The following MAMDC2 variants were observed in gnomAD, a reference collection of about 807,000 sequenced individuals.
MAMDC2 encodes the protein MAM domain containing 2.
A neutral mutation model predicts 89.8 loss-of-function variants in MAMDC2; 57 were observed. The ratio of observed to expected loss-of-function variants is 0.63; its 90% CI spans 0.51 to 0.79. MAMDC2 has a LOEUF of 0.79. MAMDC2 is among the 30% of genes least tolerant of loss of function. The probability of loss-of-function intolerance (pLI) is 0.00; values close to 1 mark genes in which losing one functional copy is unlikely to be tolerated. For synonymous variants in MAMDC2, 313 were observed against 293.4 expected (o/e 1.07, Z -0.68); for missense variants, 800 against 820.6 (o/e 0.97, Z 0.31).
intron 9 of MAMDC2, among the ~76,000 whole-genome samples, chr9:70,156,099 G>A (rs1025722963): frequency 1.3e-5 from 2 of 152,070 alleles, no homozygotes; most frequent in South Asian, 2.1e-4. Context: ...CATCTTAATA[G>A]CAGAAACTGT....
intron 11 of MAMDC2, among the ~76,000 whole-genome samples, chr9:70,180,703 TG>T (rs2032627915): frequency 6.6e-6 from 1 of 152,160 alleles, no homozygotes; most frequent in South Asian, 2.1e-4. Context: ...CACTTTTTGA[TG>T]GGGGTTGGTT....
rs2118342246 is a variant in MAMDC2 at position 70,126,316 on chromosome 9, T to A, written c.801T>A (p.Asp267Glu). 3 of 1,614,170 alleles carry A rather than the reference T, an allele frequency of 1.9e-6. No individual in the cohort carries two copies. The highest frequency in any genetic ancestry group is 2.2e-5 in the East Asian group (1 of 44,876). The change falls in exon 6 of 14, where the codon GAT becomes GAA. Residue 267 changes from aspartate (D) to glutamate (E), a missense_variant. Coordinates refer to ENST00000377182, the MANE Select transcript of MAMDC2 (RefSeq NM_153267.5). ...ATGTCTTTTCCCTTTACACTCGGGA[T>A]GTGGCTGGCCTTTACGAGGAAATCT... ...NDNVFSLYTR[D>E]VAGLYEEIWK...
chr9:70,180,515 T>G (rs2032623430), intron 11 of MAMDC2, among the ~76,000 whole-genome samples: 1 of 152,186 alleles, frequency 6.6e-6, no homozygotes, highest in African/African-American at 2.4e-5. Flanking sequence ...CCACATCCTC[T>G]CTCTACATCT....
intron 9 of MAMDC2, among the ~76,000 whole-genome samples, chr9:70,168,309 T>A (rs1294113479): frequency 6.6e-6 from 1 of 152,112 alleles, no homozygotes; most frequent in African/African-American, 2.4e-5. Flanking sequence ...CTGGCCAACA[T>A]GGTGAAACCC....
At chr9:70,216,181 C>A (rs888835160) in intron 11 of MAMDC2, 1 of 152,140 alleles carries the variant, frequency 6.6e-6, no homozygotes, top group African/African-American at 2.4e-5. Flanking sequence ...TTACTTTTTA[C>A]ATCATATATG....
chr9:70,052,581 G>T (rs1280789255), intron 2 of MAMDC2, among the ~76,000 whole-genome samples: 4 of 152,076 alleles, frequency 2.6e-5, no homozygotes, highest in Non-Finnish European at 5.9e-5. Flanking sequence ...GGCATCTCCT[G>T]ATAAGAGTCC....
chr9:70,056,614 T>C (rs1483664017), intron 2 of MAMDC2, among the ~76,000 whole-genome samples: 2 of 152,130 alleles, frequency 1.3e-5, no homozygotes, highest in Non-Finnish European at 2.9e-5. Flanking sequence ...GCACGCGGCG[T>C]GATTCATTTT....
rs540576999 is a variant in MAMDC2 at position 70,075,057 on chromosome 9, A to G, written c.148+30360A>G. Among the ~76,000 whole-genome samples the G allele has an allele frequency of 3.9e-5, 6 of 152,350 alleles. No homozygotes were observed. In the South Asian group the frequency reaches 1.2e-3, roughly 32 times the overall value. ...AGCTAGCAGTTTCTACCACATAAGAAGAAACCACCCATTATTGAAAGTGTT... is the reference window on the plus strand; with the variant it reads ...AGCTAGCAGTTTCTACCACATAAGAGGAAACCACCCATTATTGAAAGTGTT... On this transcript the variant is annotated intron_variant, in intron 2 of 13. Coordinates refer to ENST00000377182, the MANE Select transcript of MAMDC2 (RefSeq NM_153267.5).
At chr9:70,198,066 TTTA>T (rs1167445482) in intron 11 of MAMDC2, among the ~76,000 whole-genome samples, 1 of 147,124 alleles carries the variant, frequency 6.8e-6, no homozygotes, top group Non-Finnish European at 1.5e-5. Context: ...GTTCTATTTT[TTTA>T]TTATTGTTGT....
chr9:70,129,064 A>G (rs185821236), intron 6 of MAMDC2, among the ~76,000 whole-genome samples: 1 of 152,348 alleles, frequency 6.6e-6, no homozygotes, highest in South Asian at 2.1e-4. Context: ...CAGTCCTACA[A>G]GACAGGTGTT....
chr9:70,121,242 T>G (rs1383181744), intron 5 of MAMDC2, among the ~76,000 whole-genome samples: 1 of 152,184 alleles, frequency 6.6e-6, no homozygotes, highest in Admixed American at 6.5e-5. Flanking sequence ...TGGTTCCACA[T>G]GAAAAGTTCA....
chr9:70,166,880 C>A (rs1379121597), intron 9 of MAMDC2, among the ~76,000 whole-genome samples: 1 of 152,084 alleles, frequency 6.6e-6, no homozygotes, highest in South Asian at 2.1e-4. Context: ...CCCCCCACAC[C>A]CCATAAAATA....
Position 70,049,804 on chromosome 9 carries a change from G to C in MAMDC2, c.148+5107G>C, listed in dbSNP as rs149375201. 4.6e-5 allele frequency among the ~76,000 whole-genome samples: 7 copies of C among 152,320 alleles called. No individual in the cohort carries two copies. In the East Asian group the frequency reaches 1.4e-3, roughly 29 times the overall value. The stretch of plus-strand genomic sequence containing the variant: ...GCTGCCCTGGCTGTGACTGCTCTCA[G>C]GTTGAGCATGGCTGTGCTGTGCTGT... On this transcript the variant is annotated intron_variant, in intron 2 of 13. Coordinates refer to ENST00000377182, the MANE Select transcript of MAMDC2 (RefSeq NM_153267.5).
chr9:70,108,322 T>A lies in MAMDC2; in HGVS notation c.260T>A (p.Ile87Lys), dbSNP rs1308557152. 1.9e-6 allele frequency: 3 copies of A among 1,614,020 alleles called. No homozygotes were observed. The highest frequency in any genetic ancestry group is 2.2e-5 in the East Asian group (1 of 44,866). The change falls in exon 3 of 14, where the codon ATA (isoleucine) becomes AAA (lysine). Residue 87 changes from isoleucine to lysine, a missense_variant. Physicochemically the swap from Ile to Lys is moderately radical, Grantham distance 102 (BLOSUM62 -3). Transcript: ENST00000377182. Reference protein sequence around the residue: ...EWSCLRLVYQITTSSESLSDP... With the variant: ...EWSCLRLVYQKTTSSESLSDP... ...AGCTGCCTCCGTTTGGTCTACCAGA[T>A]AACCACATCTTCGGAGTCTCTGTCA...
intron 5 of MAMDC2, among the ~76,000 whole-genome samples, chr9:70,123,088 A>G (rs2118325120): frequency 6.6e-6 from 1 of 152,348 alleles, no homozygotes; most frequent in Middle Eastern, 3.4e-3. Context: ...GCAATTAGGT[A>G]TCCAGGAAAC....
At chr9:70,206,030 A>AG (rs2033217295) in intron 11 of MAMDC2, among the ~76,000 whole-genome samples, 1 of 152,242 alleles carries the variant, frequency 6.6e-6, no homozygotes, top group African/African-American at 2.4e-5. Flanking sequence ...TGTGCATCAA[A>AG]GGGGCATACT....
intron 11 of MAMDC2, among the ~76,000 whole-genome samples, chr9:70,186,933 C>T (rs1252024875): frequency 2.6e-5 from 4 of 152,130 alleles, no homozygotes; most frequent in African/African-American, 9.7e-5. Context: ...TGGCACCAAG[C>T]CATTCATGAG....
intron 8 of MAMDC2, among the ~76,000 whole-genome samples, chr9:70,142,217 G>A (rs973629085): frequency 1.3e-5 from 2 of 152,150 alleles, no homozygotes; most frequent in African/African-American, 2.4e-5. Flanking sequence ...GAGAGTGGGA[G>A]TGACCCAGGC....
rs558834234 is a variant in MAMDC2, at chr9:70,223,620, G to T, written c.1912-2130G>T. 3.3e-5 allele frequency among the ~76,000 whole-genome samples: 5 copies of T among 152,290 alleles called. No individual in the cohort carries two copies. In the South Asian group the frequency reaches 1.0e-3, roughly 32 times the overall value. On this transcript the variant is annotated intron_variant, in intron 12 of 13. Coordinates refer to ENST00000377182, the MANE Select transcript of MAMDC2 (RefSeq NM_153267.5). ...TCTGCTAAGTATTGAATATTGCCAT[G>T]TTTCCCTTAAAATTTCAAACTATCC...
Sources: allele counts gnomAD v4.1 joint callset (sites outside exome capture counted in the v4.1 genomes callset), GRCh38; gene constraint gnomAD v4.1.1; transcripts MANE v1.5; gene names NCBI Gene and HGNC (gene_info 2026-07-23, HGNC 2026-07-21).